RANBP17: variants seen among roughly 807,000 people sequenced by gnomAD.
The protein encoded by RANBP17 is RAN binding protein 17.
A neutral mutation model predicts 141.2 loss-of-function variants in RANBP17; 158 were observed. The observed-to-expected ratio is 1.12, with a 90% CI of 0.98 to 1.28. RANBP17 has a LOEUF of 1.28. RANBP17 is among the 50% of genes most tolerant of loss of function. The probability of loss-of-function intolerance (pLI) is 0.00; values close to 1 mark genes in which losing one functional copy is unlikely to be tolerated. For missense variants in RANBP17, 1,438 were observed against 1,290.7 expected, an observed-to-expected ratio of 1.11 and a Z score of -1.75; for synonymous variants, 430 against 450.0, an observed-to-expected ratio of 0.96 and a Z score of 0.56.
intron 14 of RANBP17, among the ~76,000 whole-genome samples, chr5:170,979,169 C>T (rs1320820678): frequency 2.6e-5 from 4 of 152,116 alleles, no homozygotes. Flanking sequence ...ACACTAAATT[C>T]AGGATAATGG....
intron 14 of RANBP17, among the ~76,000 whole-genome samples, chr5:170,977,831 G>C (rs1012160383): frequency 6.6e-6 from 1 of 152,040 alleles, no homozygotes; most frequent in African/African-American, 2.4e-5. Context: ...TGGGTGCCTA[G>C]GGCTGGGGTT....
At position 171,205,855 on chromosome 5, in the gene RANBP17, TC is replaced by T. The variant is rs1163314133; in HGVS notation, c.2231+248del. 1.9e-5 allele frequency: 11 copies of T among 582,954 alleles called. No homozygotes were observed. In the East Asian group the frequency reaches 3.6e-4, roughly 19 times the overall value. 36.1% of individuals were successfully genotyped at this position (582,954 alleles called of 1,614,324 possible). A position where few individuals can be genotyped will look rare whatever the true frequency, so the allele number is the denominator to read the frequency against. On this transcript the variant is annotated intron_variant, in intron 20 of 27. Transcript: ENST00000523189. ...AAATATTGATAACTTAAAAATGACTTCCCCCAAATGATTGTTTATGTTGGAG... is the reference window on the plus strand; with the variant it reads ...AAATATTGATAACTTAAAAATGACTTCCCCAAATGATTGTTTATGTTGGAG...
intron 14 of RANBP17, among the ~76,000 whole-genome samples, chr5:171,131,810 CTTT>C (rs1299755467): frequency 6.6e-6 from 1 of 152,126 alleles, no homozygotes; most frequent in Non-Finnish European, 1.5e-5. Flanking sequence ...GTCAGAGTTT[CTTT>C]TTAATGATGG....
chr5:171,001,253 C>G (rs549462455), intron 14 of RANBP17, among the ~76,000 whole-genome samples: 1 of 151,852 alleles, frequency 6.6e-6, no homozygotes, highest in Non-Finnish European at 1.5e-5. Context: ...TTAGAAGGAG[C>G]GTTTGTCATA....
chr5:171,267,344 C>T (rs949949772), intron 25 of RANBP17, among the ~76,000 whole-genome samples: 1 of 152,008 alleles, frequency 6.6e-6, no homozygotes, highest in African/African-American at 2.4e-5. Context: ...GCACCTAGCC[C>T]TATCACTGTG....
chr5:171,178,077 T>C, intron 16 of RANBP17, among the ~76,000 whole-genome samples: 1 of 152,010 alleles, frequency 6.6e-6, no homozygotes, highest in East Asian at 1.9e-4. Context: ...ATATGGAGGT[T>C]TGTTACATAG....
At position 171,283,125 on chromosome 5, in the gene RANBP17, C is replaced by T. The variant is rs367958945; in HGVS notation, c.2944-10758C>T. On this transcript the variant is annotated intron_variant, in intron 25 of 27. Coordinates refer to ENST00000523189, the MANE Select transcript of RANBP17 (RefSeq NM_022897.5). ...TCCAAATGTCACCTTCTCTATGAAG[C>T]CATCCCTGGCTGCTTCCAGCCCTAG... Among the ~76,000 whole-genome samples, 8 of 152,294 alleles carry T rather than the reference C, an allele frequency of 5.3e-5. No individual in the cohort carries two copies. The South Asian group carries it at 1.7e-3, about 32-fold the overall frequency.
chr5:170,991,746 C>T (rs1778523855), intron 14 of RANBP17, among the ~76,000 whole-genome samples: 1 of 151,806 alleles, frequency 6.6e-6, no homozygotes, highest in Non-Finnish European at 1.5e-5. Context: ...ATGGCAAATA[C>T]CAAGCACAGA....
chr5:171,206,496 T>C (rs1245512280), intron 20 of RANBP17: 1 of 156,466 alleles, frequency 6.4e-6, no homozygotes, highest in Non-Finnish European at 1.4e-5. Flanking sequence ...TGTTATATAA[T>C]GCTTTCATGT....
At chr5:170,862,927 G>A (rs953690626) in intron 1 of RANBP17, among the ~76,000 whole-genome samples, 1 of 152,216 alleles carries the variant, frequency 6.6e-6, no homozygotes, top group African/African-American at 2.4e-5. Context: ...CACAGAAAAG[G>A]GGGTAGCCAG....
intron 19 of RANBP17, among the ~76,000 whole-genome samples, chr5:171,203,074 G>A (rs1203623082): frequency 6.6e-6 from 1 of 152,128 alleles, no homozygotes; most frequent in East Asian, 1.9e-4. Context: ...ACCCAAAAAG[G>A]AATCCATAGG....
chr5:170,921,274 G>A (rs180905129), intron 11 of RANBP17, among the ~76,000 whole-genome samples: 3 of 152,260 alleles, frequency 2.0e-5, no homozygotes, highest in Non-Finnish European at 2.9e-5. Flanking sequence ...TGTGTAAGGT[G>A]TAAGGAAGGA....
intron 14 of RANBP17, among the ~76,000 whole-genome samples, chr5:171,017,407 C>T (rs1377478952): frequency 6.6e-6 from 1 of 152,198 alleles, no homozygotes; most frequent in Non-Finnish European, 1.5e-5. Flanking sequence ...ACACCCTCGC[C>T]AGCATCTATT....
At chr5:170,977,275 A>G (rs1777448658) in intron 14 of RANBP17, among the ~76,000 whole-genome samples, 1 of 152,052 alleles carries the variant, frequency 6.6e-6, no homozygotes, top group African/African-American at 2.4e-5. Flanking sequence ...GTAGAAATTC[A>G]TGTCAGTGCC....
chr5:170,984,853 G>A (rs976471275), intron 14 of RANBP17, among the ~76,000 whole-genome samples: 1 of 151,890 alleles, frequency 6.6e-6, no homozygotes. Flanking sequence ...ACAATTTTAA[G>A]TATTATTTTT....
At chr5:171,273,880 T>C (rs1767294010) in intron 25 of RANBP17, among the ~76,000 whole-genome samples, 1 of 152,178 alleles carries the variant, frequency 6.6e-6, no homozygotes, top group Non-Finnish European at 1.5e-5. Context: ...TTTTACTTAA[T>C]CTGGGGCTTT....
chr5:171,208,888 C>T (rs1762722031), intron 20 of RANBP17, among the ~76,000 whole-genome samples: 2 of 152,192 alleles, frequency 1.3e-5, no homozygotes, highest in South Asian at 4.1e-4. Context: ...AAATACTCTA[C>T]AGCTGTTGTT....
chr5:171,105,421 G>A (rs1425866463), intron 14 of RANBP17, among the ~76,000 whole-genome samples: 1 of 150,662 alleles, frequency 6.6e-6, no homozygotes, highest in East Asian at 1.9e-4. Flanking sequence ...CCTGGGACTG[G>A]CATGGTGGCT....
intron 3 of RANBP17, among the ~76,000 whole-genome samples, chr5:170,887,287 T>A (rs929289173): frequency 6.6e-6 from 1 of 152,206 alleles, no homozygotes; most frequent in Non-Finnish European, 1.5e-5. Flanking sequence ...ATTTTTCATT[T>A]TCATGACAAA....
Sources: allele counts gnomAD v4.1 joint callset (sites outside exome capture counted in the v4.1 genomes callset), GRCh38; gene constraint gnomAD v4.1.1; transcripts MANE v1.5; gene names NCBI Gene and HGNC (gene_info 2026-07-23, HGNC 2026-07-21).